Variants in PRKCA observed in about 807,000 individuals in gnomAD.
PRKCA encodes protein kinase C alpha.
In PRKCA, 27 loss-of-function variants were observed where a neutral mutation model predicts 87.0. The observed-to-expected ratio is 0.31, with a 90% confidence interval of 0.23 to 0.43. PRKCA has a LOEUF of 0.43. Ranked by LOEUF, PRKCA falls within the 20% of genes least tolerant of loss-of-function variation. The pLI is 1.00. For synonymous variants in PRKCA, 329 were observed against 311.1 expected (o/e 1.06, Z -0.61); for missense variants, 518 against 852.3 (o/e 0.61, Z 4.88).
intron 3 of PRKCA, among the ~76,000 whole-genome samples, chr17:66,602,325 C>G (rs1446500633): frequency 7.4e-6 from 1 of 135,978 alleles, no homozygotes; most frequent in Non-Finnish European, 1.6e-5. Flanking sequence ...GGGAGTGACC[C>G]GATTTTCCAG....
At chr17:66,607,437 A>G (rs1017111509) in intron 3 of PRKCA, among the ~76,000 whole-genome samples, 1 of 152,236 alleles carries the variant, frequency 6.6e-6, no homozygotes, top group African/African-American at 2.4e-5. Context: ...TCATCCCCTC[A>G]GTTAAACAAA....
chr17:66,568,606 T>A (rs1331277995), intron 3 of PRKCA, among the ~76,000 whole-genome samples: 1 of 152,130 alleles, frequency 6.6e-6, no homozygotes, highest in East Asian at 1.9e-4. Flanking sequence ...GTAGGGATGT[T>A]TTTAAAATGA....
chr17:66,774,331 T>C, intron 14 of PRKCA: 3 of 1,297,042 alleles, frequency 2.3e-6, no homozygotes, highest in Non-Finnish European at 3.0e-6. Flanking sequence ...TTATGAAATG[T>C]ACATGTTGGC....
intron 3 of PRKCA, among the ~76,000 whole-genome samples, chr17:66,620,492 G>T (rs1210343159): frequency 1.3e-5 from 2 of 152,180 alleles, no homozygotes; most frequent in East Asian, 3.8e-4. Flanking sequence ...CCAGAGCTAT[G>T]GCCTGTGGCT....
At chr17:66,312,767 C>T (rs1290725021) in intron 2 of PRKCA, among the ~76,000 whole-genome samples, 1 of 120,754 alleles carries the variant, frequency 8.3e-6, no homozygotes, top group Non-Finnish European at 1.6e-5. Flanking sequence ...GACAGAGTGT[C>T]ACTCTGTCAC....
At chr17:66,369,575 T>G (rs1243678385) in intron 2 of PRKCA, among the ~76,000 whole-genome samples, 1 of 152,234 alleles carries the variant, frequency 6.6e-6, no homozygotes, top group African/African-American at 2.4e-5. Flanking sequence ...TTGAGGTACT[T>G]ATTTCATCCC....
chr17:66,765,371 T>C (rs1974774817), intron 13 of PRKCA, among the ~76,000 whole-genome samples: 1 of 141,260 alleles, frequency 7.1e-6, no homozygotes, highest in Non-Finnish European at 1.5e-5. Context: ...CGAGATCGTG[T>C]CATCGTGTCA....
At chr17:66,756,474 T>C (rs140516694) in intron 13 of PRKCA, among the ~76,000 whole-genome samples, 2,156 of 151,864 alleles carry the variant, frequency 0.014, 25 homozygotes, top group Middle Eastern at 0.031. Context: ...ACCACATCAC[T>C]AAAGGTTCAT....
chr17:66,384,447 A>G (rs1909936049), intron 2 of PRKCA, among the ~76,000 whole-genome samples: 1 of 152,258 alleles, frequency 6.6e-6, no homozygotes, highest in Non-Finnish European at 1.5e-5. Context: ...AGCTGTGGAT[A>G]AAAATTATCT....
At chr17:66,473,608 A>AGTAG (rs1456983365) in intron 2 of PRKCA, among the ~76,000 whole-genome samples, 1 of 152,208 alleles carries the variant, frequency 6.6e-6, no homozygotes, top group East Asian at 1.9e-4. Flanking sequence ...TGATAACTGC[A>AGTAG]GTAGCTACTA....
chr17:66,518,501 G>A (rs1307610813), intron 3 of PRKCA, among the ~76,000 whole-genome samples: 1 of 152,146 alleles, frequency 6.6e-6, no homozygotes, highest in Non-Finnish European at 1.5e-5. Context: ...ATTTACCACA[G>A]CATTTGAACT....
rs374909708 is a variant in PRKCA at position 66,422,939 on chromosome 17, C to T, written c.206-73262C>T. 7.4e-4 allele frequency among the ~76,000 whole-genome samples: 113 copies of T among 152,012 alleles called. 2 individuals carry two copies. In the East Asian group the frequency reaches 0.021, roughly 28 times the overall value. Reference sequence around the variant, plus strand: ...CAGCCTGGCCAACATGGTGAAACCCCGTCTCTACTAAAAATAGAAAAATTA... The same window carrying T: ...CAGCCTGGCCAACATGGTGAAACCCTGTCTCTACTAAAAATAGAAAAATTA... On this transcript the variant is annotated intron_variant, in intron 2 of 16. Coordinates refer to ENST00000413366, the MANE Select transcript of PRKCA (RefSeq NM_002737.3).
In PRKCA at chr17:66,464,440, A is replaced by G. The variant is rs945617934; in HGVS notation, c.206-31761A>G. On this transcript the variant is annotated intron_variant, in intron 2 of 16. Transcript: ENST00000413366. Reference sequence around the variant, plus strand: ...AAGAATATGTTTAGTTTTTTAAGAAACTGCCAAACTGTCTTCCAAAGTGGC... The same window carrying G: ...AAGAATATGTTTAGTTTTTTAAGAAGCTGCCAAACTGTCTTCCAAAGTGGC... Among the ~76,000 whole-genome samples, 5 of 152,268 alleles carry G rather than the reference A, an allele frequency of 3.3e-5. No homozygotes were observed. In the East Asian group the frequency reaches 9.6e-4, roughly 29 times the overall value.
At chr17:66,549,101 G>A (rs896707673) in intron 3 of PRKCA, among the ~76,000 whole-genome samples, 9 of 151,722 alleles carry the variant, frequency 5.9e-5, no homozygotes, top group Non-Finnish European at 1.3e-4. Context: ...CCACCGTGCC[G>A]GGCCACTTTC....
At chr17:66,680,474 G>A (rs1304341488) in intron 5 of PRKCA, among the ~76,000 whole-genome samples, 1 of 152,156 alleles carries the variant, frequency 6.6e-6, no homozygotes, top group Non-Finnish European at 1.5e-5. Context: ...GGGAGAAAAA[G>A]TAATAAAAAC....
At chr17:66,567,402 A>G (rs7220007) in intron 3 of PRKCA, among the ~76,000 whole-genome samples, 90,935 of 151,740 alleles carry the variant, frequency 0.6, 28,555 homozygotes, top group African/African-American at 0.8. Flanking sequence ...CCCTGCTGGC[A>G]GATTGTTGCT....
Position 66,669,277 on chromosome 17 carries a change from T to G in PRKCA, c.530-17834T>G, listed in dbSNP as rs192731322. 1.4e-3 allele frequency among the ~76,000 whole-genome samples: 211 copies of G among 152,152 alleles called. 1 individual carries two copies. Among genetic ancestry groups the G allele is most frequent in the Non-Finnish European group, 8.7e-4 (59 of 68,002 alleles). ...AAATGCCAGTTTCCAGTAAGGAAATTTATAGTACATAATTAAAATCTTTGT... is the reference window on the plus strand; with the variant it reads ...AAATGCCAGTTTCCAGTAAGGAAATGTATAGTACATAATTAAAATCTTTGT... On this transcript the variant is annotated intron_variant, in intron 5 of 16. Transcript: ENST00000413366.
chr17:66,557,221 T>C (rs1968523663), intron 3 of PRKCA, among the ~76,000 whole-genome samples: 1 of 152,196 alleles, frequency 6.6e-6, no homozygotes. Context: ...TGTTTCTGAT[T>C]TTTTTAAGGG....
intron 2 of PRKCA, among the ~76,000 whole-genome samples, chr17:66,387,564 A>G (rs2143619577): frequency 6.6e-6 from 1 of 152,128 alleles, no homozygotes; most frequent in Admixed American, 6.5e-5. Flanking sequence ...CTGAGAGGGG[A>G]GGGGTTCTTG....
Sources: gnomAD v4.1 joint callset for allele counts (sites outside exome capture counted in the v4.1 genomes callset) on GRCh38, gnomAD v4.1.1 for gene constraint, MANE v1.5 for transcripts, NCBI Gene and HGNC (gene_info 2026-07-23, HGNC 2026-07-21) for gene names.